The following TSPEAR variants were observed in gnomAD, a reference collection of about 807,000 sequenced individuals.
TSPEAR encodes the protein thrombospondin-type laminin G domain and EAR repeat-containing protein.
TSPEAR carries 69 observed loss-of-function variants against 71.6 expected under a neutral mutation model. The observed-to-expected ratio is 0.96, with a 90% CI of 0.79 to 1.18. TSPEAR has a LOEUF of 1.18. Among genes scored for constraint, TSPEAR ranks in the 50% most tolerant of loss-of-function variants. TSPEAR has a pLI of 0.00. For missense variants in TSPEAR, 971 were observed against 894.9 expected, an observed-to-expected ratio of 1.09 and a Z score of -1.09; for synonymous variants, 402 against 387.2, an observed-to-expected ratio of 1.04 and a Z score of -0.45.
intron 1 of TSPEAR, among the ~76,000 whole-genome samples, chr21:44,671,017 T>C (rs1986029922): frequency 6.6e-6 from 1 of 152,250 alleles, no homozygotes. Flanking sequence ...CCATGCACAC[T>C]GTGTGGCCTG....
intron 1 of TSPEAR, chr21:44,686,525 G>A (rs369642007): frequency 1.7e-4 from 26 of 151,374 alleles, no homozygotes; most frequent in Middle Eastern, 6.5e-3. Context: ...CTGGCCTGCC[G>A]CATGCTCAGG....
chr21:44,571,942 C>T (rs587602121), intron 1 of TSPEAR, among the ~76,000 whole-genome samples: 10 of 152,318 alleles, frequency 6.6e-5, no homozygotes, highest in African/African-American at 1.4e-4. Context: ...ACCGTGCGGG[C>T]GAGGCCCCCG....
intron 1 of TSPEAR, chr21:44,573,683 C>T (rs1978294114): frequency 6.4e-7 from 1 of 1,565,778 alleles, no homozygotes; most frequent in Non-Finnish European, 8.7e-7. Context: ...CCCCACAAAC[C>T]CGAGCACCTC....
At chr21:44,672,770 G>A (rs1279663361) in intron 1 of TSPEAR, among the ~76,000 whole-genome samples, 2 of 152,060 alleles carry the variant, frequency 1.3e-5, no homozygotes, top group South Asian at 2.1e-4. Context: ...GGATCATGGG[G>A]GCAGATTTCC....
At position 44,533,917 on chromosome 21, in the gene TSPEAR, C is replaced by T. The variant is rs782310191; in HGVS notation, c.310G>A (p.Glu104Lys). ...TCTGCCACCACCGTCAGCAGGTACT[C>T]GTTCCTCTGTGGAGAGCGGGCCAGG... is the stretch of plus-strand genomic sequence containing the variant. Reference protein sequence around the residue: ...RVPNLPPKRNEYLLTVVAEES... With the variant: ...RVPNLPPKRNKYLLTVVAEES... Residue 104 changes from glutamate (E) to lysine (K), a missense_variant, in exon 3 of 12, where the codon GAG becomes AAG. Coordinates refer to ENST00000323084, the MANE Select transcript of TSPEAR (RefSeq NM_144991.3). 35 of 1,599,224 alleles carry T rather than the reference C, an allele frequency of 2.2e-5. No individual in the cohort carries two copies. Among genetic ancestry groups the T allele is most frequent in the East Asian group, 4.6e-5 (2 of 43,924 alleles).
intron 1 of TSPEAR, chr21:44,697,035 C>T (rs1555950622): frequency 1.6e-5 from 16 of 1,003,542 alleles, no homozygotes. Flanking sequence ...CGCTCACTCA[C>T]TCCCTCCCTC....
intron 1 of TSPEAR, among the ~76,000 whole-genome samples, chr21:44,689,279 G>C (rs1987002233): frequency 6.6e-6 from 1 of 152,174 alleles, no homozygotes; most frequent in South Asian, 2.1e-4. Context: ...GAGGCGGGCG[G>C]ATCACGAGGT....
chr21:44,610,299 C>T (rs1430471929), intron 1 of TSPEAR, among the ~76,000 whole-genome samples: 2 of 152,206 alleles, frequency 1.3e-5, no homozygotes, highest in Non-Finnish European at 2.9e-5. Flanking sequence ...CATCAGAGGC[C>T]TGGAGGCCTG....
intron 2 of TSPEAR, chr21:44,540,120 T>A: frequency 6.2e-7 from 1 of 1,613,600 alleles, no homozygotes; most frequent in African/African-American, 1.3e-5. Flanking sequence ...GAGCAAGCGC[T>A]GGAGCAGACG....
intron 1 of TSPEAR, among the ~76,000 whole-genome samples, chr21:44,688,473 C>A (rs1986960077): frequency 6.6e-6 from 1 of 152,166 alleles, no homozygotes; most frequent in Non-Finnish European, 1.5e-5. Context: ...GTAATCCCAG[C>A]ACTTTGGGAG....
chr21:44,508,959 A>G, intron 10 of TSPEAR: 3 of 1,539,970 alleles, frequency 1.9e-6, no homozygotes, highest in Non-Finnish European at 2.6e-6. Flanking sequence ...AGAACTCCGC[A>G]CACAGCACCC....
At chr21:44,607,294 G>A (rs1981374987) in intron 1 of TSPEAR, among the ~76,000 whole-genome samples, 1 of 152,150 alleles carries the variant, frequency 6.6e-6, no homozygotes, top group African/African-American at 2.4e-5. Context: ...TGGCCAGGAT[G>A]GTCTTGATCT....
rs912582196 is a variant in TSPEAR, at chr21:44,532,555, G to A, written c.542+1130C>T. ...TGATAAAAGTGTGTTTAAGCTAAGT[G>A]CATAATAAAAATATTTATGCGATAA... On this transcript the variant is annotated intron_variant, in intron 3 of 11. Coordinates refer to ENST00000323084, the MANE Select transcript of TSPEAR (RefSeq NM_144991.3). Among the ~76,000 whole-genome samples the A allele has an allele frequency of 3.9e-5, 6 of 152,264 alleles. No individual in the cohort carries two copies. The South Asian group carries it at 1.0e-3, about 26-fold the overall frequency.
chr21:44,705,043 C>CA (rs1389863492), intron 1 of TSPEAR, among the ~76,000 whole-genome samples: 1 of 152,190 alleles, frequency 6.6e-6, no homozygotes, highest in Non-Finnish European at 1.5e-5. Flanking sequence ...TCAGGGACCC[C>CA]AAACAGAGAG....
chr21:44,676,201 A>G, intron 1 of TSPEAR: 1 of 1,295,688 alleles, frequency 7.7e-7, no homozygotes, highest in Non-Finnish European at 1.1e-6. Flanking sequence ...TTAATCAATC[A>G]TTGCTACCCT....
intron 1 of TSPEAR, among the ~76,000 whole-genome samples, chr21:44,698,567 T>C (rs7283339): frequency 0.7 from 106,069 of 152,134 alleles, 37,164 homozygotes; most frequent in Middle Eastern, 0.83. Context: ...GGCACAGCCG[T>C]CCCCACCGCC....
At chr21:44,572,566 G>T (rs587673358) in intron 1 of TSPEAR, among the ~76,000 whole-genome samples, 10 of 151,938 alleles carry the variant, frequency 6.6e-5, no homozygotes, top group Admixed American at 2.0e-4. Context: ...CCAGGCCCAA[G>T]TCCACAAGAA....
chr21:44,539,133 G>T (rs1452902393), intron 2 of TSPEAR: 33 of 1,212,942 alleles, frequency 2.7e-5, no homozygotes, highest in Middle Eastern at 2.8e-4. Flanking sequence ...CTGGGGAGCT[G>T]CAAGGATGGA....
intron 2 of TSPEAR, among the ~76,000 whole-genome samples, chr21:44,566,196 A>G (rs2053700956): frequency 6.6e-6 from 1 of 152,184 alleles, no homozygotes; most frequent in Non-Finnish European, 1.5e-5. Context: ...AAATAAATAA[A>G]TAACGGTATT....
Sources: gnomAD v4.1 joint callset for allele counts (sites outside exome capture counted in the v4.1 genomes callset) on GRCh38, gnomAD v4.1.1 for gene constraint, MANE v1.5 for transcripts, NCBI Gene and HGNC (gene_info 2026-07-23, HGNC 2026-07-21) for gene names.